GSE1: variants seen among roughly 807,000 people sequenced by gnomAD.
GSE1 encodes genetic suppressor element 1.
In GSE1, 32 loss-of-function variants were observed where a neutral mutation model predicts 112.6. The ratio of observed to expected loss-of-function variants is 0.28; its 90% confidence interval spans 0.21 to 0.38. The LOEUF (loss-of-function observed/expected upper bound fraction) is 0.38. GSE1 is among the 10% of genes least tolerant of loss of function. The probability of loss-of-function intolerance (pLI) is 1.00; values close to 1 mark genes in which losing one functional copy is unlikely to be tolerated. For missense variants in GSE1, 2,348 were observed against 1,699.2 expected, an observed-to-expected ratio of 1.38 and a Z score of -6.71; for synonymous variants, 1,115 against 735.6, an observed-to-expected ratio of 1.52 and a Z score of -8.35.
intron 2 of GSE1, among the ~76,000 whole-genome samples, chr16:85,415,694 G>T (rs2048688579): frequency 6.6e-6 from 1 of 152,258 alleles, no homozygotes; most frequent in Non-Finnish European, 1.5e-5. Flanking sequence ...GAGCTGCGAG[G>T]GTGGGAGGCG....
chr16:85,331,373 G>GTATATA (rs376286455), intron 1 of GSE1, among the ~76,000 whole-genome samples: 13 of 84,478 alleles, frequency 1.5e-4, no homozygotes, highest in African/African-American at 3.6e-4. Flanking sequence ...GTGTATATAT[G>GTATATA]TATATATATG....
At chr16:85,216,659 G>A (rs2075311024) in intron 1 of GSE1, among the ~76,000 whole-genome samples, 1 of 152,192 alleles carries the variant, frequency 6.6e-6, no homozygotes, top group African/African-American at 2.4e-5. Flanking sequence ...AGGTTAAGCT[G>A]TTTTCCCACA....
rs1179024292 is a variant in GSE1 at position 85,426,060 on chromosome 16, T to TGGATGGATGGATGGAA, written c.2464+68431_2464+68432insAAGGATGGATGGATGG. On this transcript the variant is annotated intron_variant, in intron 2 of 2. Coordinates refer to the GSE1 transcript ENST00000637419. Reference sequence around the variant, plus strand: ...ATGGATGGATGGATGGATGGATGGATGGATGGATGGATGGGTAGATGGATG... The same window carrying TGGATGGATGGATGGAA: ...ATGGATGGATGGATGGATGGATGGATGGATGGATGGATGGAAGGATGGATGGATGGGTAGATGGATG... Among the ~76,000 whole-genome samples, 660 of 137,854 alleles carry TGGATGGATGGATGGAA rather than the reference T, an allele frequency of 4.8e-3. 23 individuals carry two copies. The highest frequency in any genetic ancestry group is 0.016 in the African/African-American group (631 of 38,984). 90.4% of individuals were successfully genotyped at this position (137,854 alleles called of 152,430 possible). A position where few individuals can be genotyped will look rare whatever the true frequency, so the allele number is the denominator to read the frequency against.
intron 1 of GSE1, among the ~76,000 whole-genome samples, chr16:85,600,073 G>A (rs1020806083): frequency 6.6e-6 from 1 of 152,220 alleles, no homozygotes; most frequent in Non-Finnish European, 1.5e-5. Context: ...GAGGGCGGCT[G>A]CGGGTATTCT....
Position 85,544,910 on chromosome 16 carries a change from C to T in GSE1, c.2465-89004C>T, listed in dbSNP as rs567116990. Among the ~76,000 whole-genome samples, 8 of 152,342 alleles carry T rather than the reference C, an allele frequency of 5.3e-5. No homozygotes were observed. The East Asian group carries it at 1.4e-3, about 26-fold the overall frequency. On this transcript the variant is annotated intron_variant, in intron 2 of 2. Coordinates refer to the GSE1 transcript ENST00000637419. The stretch of plus-strand genomic sequence containing the variant: ...CGGAGCAGGATGTGAGGAGGCCAGC[C>T]GTGCCCGCGCTGTCACGGTGTCCAC...
chr16:85,548,534 A>G (rs2044785719), intron 2 of GSE1, among the ~76,000 whole-genome samples: 1 of 152,172 alleles, frequency 6.6e-6, no homozygotes, highest in South Asian at 2.1e-4. Flanking sequence ...CATTTAACGT[A>G]AGAATCTCCA....
chr16:85,229,219 G>A (rs1006311479), intron 1 of GSE1, among the ~76,000 whole-genome samples: 4 of 152,222 alleles, frequency 2.6e-5, no homozygotes, highest in African/African-American at 7.2e-5. Flanking sequence ...GCCTGCGGGC[G>A]GGTAGGGGGG....
chr16:85,518,930 T>C (rs2052045651), intron 2 of GSE1, among the ~76,000 whole-genome samples: 1 of 152,134 alleles, frequency 6.6e-6, no homozygotes, highest in South Asian at 2.1e-4. Context: ...GCTCGTGTTT[T>C]TCTTCTCTGG....
chr16:85,203,510 G>T (rs1300984219), intron 1 of GSE1, among the ~76,000 whole-genome samples: 2 of 152,204 alleles, frequency 1.3e-5, no homozygotes, highest in African/African-American at 4.8e-5. Context: ...TTCGTGGGAA[G>T]CCAGCAGGCC....
At chr16:85,272,614 G>T (rs78505127) in intron 1 of GSE1, among the ~76,000 whole-genome samples, 22 of 152,074 alleles carry the variant, frequency 1.4e-4, no homozygotes, top group Non-Finnish European at 2.8e-4. Context: ...GAGAAGCCAC[G>T]GGTGTGCGGG....
Position 85,613,384 on chromosome 16 carries a change from G to A in GSE1, c.-8G>A, listed in dbSNP as rs1484372135. On this transcript the variant is annotated 5_prime_UTR_variant, in exon 1 of 16. Transcript: ENST00000253458. ...GTATCAGCCGAGGTGGAGCTGCGGG[G>A]CCCTGGCATGAAAGGTGAGCGCGCC... is the stretch of plus-strand genomic sequence containing the variant. 3 of 1,566,730 alleles carry A rather than the reference G, an allele frequency of 1.9e-6. No homozygotes were observed. Among genetic ancestry groups the A allele is most frequent in the Admixed American group, 1.9e-5 (1 of 53,986 alleles).
intron 1 of GSE1, among the ~76,000 whole-genome samples, chr16:85,191,620 T>C (rs2074822914): frequency 2.0e-5 from 3 of 152,218 alleles, no homozygotes; most frequent in Admixed American, 6.5e-5. Context: ...GATGGAACTC[T>C]ACGTGCCGCT....
chr16:85,657,807 G>T (rs2151941596), intron 8 of GSE1, among the ~76,000 whole-genome samples: 1 of 152,318 alleles, frequency 6.6e-6, no homozygotes, highest in Middle Eastern at 3.4e-3. Flanking sequence ...ATTGCTCAAA[G>T]GTATCCCCAC....
At chr16:85,395,437 G>T (rs1028579376) in intron 2 of GSE1, among the ~76,000 whole-genome samples, 13 of 152,140 alleles carry the variant, frequency 8.5e-5, no homozygotes, top group African/African-American at 2.7e-4. Flanking sequence ...CCCGACAATG[G>T]GTCCAGGCTG....
intron 1 of GSE1, among the ~76,000 whole-genome samples, chr16:85,279,754 C>A (rs574380155): frequency 6.6e-6 from 1 of 152,108 alleles, no homozygotes; most frequent in Non-Finnish European, 1.5e-5. Context: ...TTATGGGAGG[C>A]GGTGTTTTCT....
intron 2 of GSE1, among the ~76,000 whole-genome samples, chr16:85,428,532 G>T (rs1285258071): frequency 2.0e-5 from 3 of 152,250 alleles, no homozygotes; most frequent in Non-Finnish European, 4.4e-5. Flanking sequence ...CTTGGAACCA[G>T]CACTGCTAGC....
At chr16:85,350,563 ACCC>A (rs2046832141) in intron 1 of GSE1, among the ~76,000 whole-genome samples, 1 of 151,714 alleles carries the variant, frequency 6.6e-6, no homozygotes, top group Non-Finnish European at 1.5e-5. Flanking sequence ...CACCATCTGC[ACCC>A]AAGGCCAAGA....
intron 1 of GSE1, among the ~76,000 whole-genome samples, chr16:85,245,396 C>T (rs568400533): frequency 1.9e-3 from 287 of 152,272 alleles, no homozygotes; most frequent in Non-Finnish European, 3.5e-3. Context: ...TGTGTGTGGA[C>T]GTCATGCTGC....
intron 1 of GSE1, chr16:85,282,986 CT>C (rs1222354977): frequency 2.6e-5 from 4 of 152,380 alleles, no homozygotes; most frequent in Non-Finnish European, 5.9e-5. Context: ...CTGGAGTCAC[CT>C]GCAGGCTGGC....
Sources: gnomAD v4.1 joint callset for allele counts (sites outside exome capture counted in the v4.1 genomes callset) on GRCh38, gnomAD v4.1.1 for gene constraint, MANE v1.5 for transcripts, NCBI Gene and HGNC (gene_info 2026-07-23, HGNC 2026-07-21) for gene names.